TENM2: variants seen among roughly 807,000 people sequenced by gnomAD.
The protein encoded by TENM2 is teneurin-2.
A neutral mutation model predicts 245.2 loss-of-function variants in TENM2; 52 were observed. The observed-to-expected ratio is 0.21, with a 90% CI of 0.17 to 0.27. TENM2 has a LOEUF of 0.27. Among genes scored for constraint, TENM2 ranks in the 10% least tolerant of loss-of-function variants. The probability of loss-of-function intolerance (pLI) is 1.00; values close to 1 mark genes in which losing one functional copy is unlikely to be tolerated. For missense variants in TENM2, 3,046 were observed against 3,666.8 expected (o/e 0.83, Z 4.37); for synonymous variants, 1,363 against 1,438.9 (o/e 0.95, Z 1.19).
At chr5:167,939,358 C>T (rs776434206) in intron 3 of TENM2, among the ~76,000 whole-genome samples, 1 of 152,152 alleles carries the variant, frequency 6.6e-6, no homozygotes, top group African/African-American at 2.4e-5. Context: ...TGACAGGAGG[C>T]GGAGCTCAGG....
the TENM2 span, among the ~76,000 whole-genome samples, chr5:166,994,703 T>G: frequency 6.6e-6 from 1 of 152,194 alleles, no homozygotes; most frequent in Non-Finnish European, 1.5e-5. Flanking sequence ...CTCTAGGAAC[T>G]GAACATCACA....
At chr5:168,049,130 AT>A (rs1449815004) in intron 6 of TENM2, among the ~76,000 whole-genome samples, 1 of 152,166 alleles carries the variant, frequency 6.6e-6, no homozygotes, top group Non-Finnish European at 1.5e-5. Flanking sequence ...TCTAAAGACT[AT>A]TTTGATTGTC....
chr5:167,969,071 GCCGACTTT>G (rs1029057802), intron 4 of TENM2, among the ~76,000 whole-genome samples: 14 of 152,126 alleles, frequency 9.2e-5, no homozygotes, highest in African/African-American at 3.4e-4. Context: ...TCTCTGAAAT[GCCGACTTT>G]GTGCCCAGTA....
At chr5:167,058,271 A>T in the TENM2 span, among the ~76,000 whole-genome samples, 1 of 152,148 alleles carries the variant, frequency 6.6e-6, no homozygotes, top group African/African-American at 2.4e-5. Context: ...ATGACCTATA[A>T]TAGGCATTCT....
the TENM2 span, among the ~76,000 whole-genome samples, chr5:167,095,754 C>A: frequency 6.9e-6 from 1 of 145,220 alleles, no homozygotes; most frequent in Non-Finnish European, 1.5e-5. Flanking sequence ...CATTTCAACT[C>A]AAAGAAAGCC....
the TENM2 span, among the ~76,000 whole-genome samples, chr5:167,078,971 C>T: frequency 6.6e-6 from 1 of 151,984 alleles, no homozygotes; most frequent in Non-Finnish European, 1.5e-5. Flanking sequence ...ACGTGGGACT[C>T]CCTAGAGAGG....
intron 13 of TENM2, among the ~76,000 whole-genome samples, chr5:168,172,657 C>T (rs994151568): frequency 1.3e-5 from 2 of 152,206 alleles, no homozygotes; most frequent in Non-Finnish European, 2.9e-5. Context: ...ACCTCCGCCC[C>T]TCAGAAACAC....
intron 13 of TENM2, among the ~76,000 whole-genome samples, chr5:168,171,807 G>A (rs560308285): frequency 1.4e-4 from 22 of 152,246 alleles, no homozygotes; most frequent in African/African-American, 5.3e-4. Context: ...CTTATTTTAG[G>A]GAATTAAAGG....
the TENM2 span, among the ~76,000 whole-genome samples, chr5:167,212,018 A>G: frequency 6.6e-6 from 1 of 152,278 alleles, no homozygotes; most frequent in East Asian, 1.9e-4. Context: ...CTAAATTAAT[A>G]CTGCTTCCAC....
At chr5:167,689,399 T>G (rs1445214627) in intron 2 of TENM2, among the ~76,000 whole-genome samples, 1 of 152,146 alleles carries the variant, frequency 6.6e-6, no homozygotes, top group South Asian at 2.1e-4. Flanking sequence ...AGAACAGACC[T>G]AGGAACCTCA....
At chr5:167,647,578 G>A (rs1275853344) in intron 2 of TENM2, among the ~76,000 whole-genome samples, 1 of 151,980 alleles carries the variant, frequency 6.6e-6, no homozygotes, top group Non-Finnish European at 1.5e-5. Flanking sequence ...AGCCGAGATC[G>A]CGCCATTGCT....
chr5:168,050,785 A>T (rs1789016063), intron 6 of TENM2, among the ~76,000 whole-genome samples: 1 of 152,230 alleles, frequency 6.6e-6, no homozygotes, highest in Non-Finnish European at 1.5e-5. Context: ...TTGGGAGAGT[A>T]CATTCTTTGG....
At chr5:168,128,887 C>G (rs577154618) in intron 12 of TENM2, 1 of 152,130 alleles carries the variant, frequency 6.6e-6, no homozygotes, top group African/African-American at 2.4e-5. Flanking sequence ...GCCTCGCCAG[C>G]TTCCATGCCA....
At chr5:167,022,346 C>G in the TENM2 span, among the ~76,000 whole-genome samples, 1 of 152,098 alleles carries the variant, frequency 6.6e-6, no homozygotes, top group Non-Finnish European at 1.5e-5. Flanking sequence ...AAATATGTTT[C>G]AAATTATGAT....
At chr5:167,899,414 A>C (rs1775508932) in intron 3 of TENM2, among the ~76,000 whole-genome samples, 1 of 152,156 alleles carries the variant, frequency 6.6e-6, no homozygotes, top group Non-Finnish European at 1.5e-5. Context: ...ATAGCATAGT[A>C]ATAATAACAA....
rs72835075 is a variant in TENM2 at position 168,239,853 on chromosome 5, A to T, written c.5521-4567A>T. Among the ~76,000 whole-genome samples, 135 of 152,286 alleles carry T rather than the reference A, an allele frequency of 8.9e-4. 1 individual carries two copies. The highest frequency in any genetic ancestry group is 1.5e-3 in the Non-Finnish European group (104 of 68,022). Reference sequence around the variant, plus strand: ...GGTCTTTCCCAGGTAACTAAAGATAAGGCCTTATATCACACTGAGTGTATT... The same window carrying T: ...GGTCTTTCCCAGGTAACTAAAGATATGGCCTTATATCACACTGAGTGTATT... On this transcript the variant is annotated intron_variant, in intron 25 of 28. Coordinates refer to ENST00000518659, the Ensembl canonical transcript of TENM2.
At chr5:168,204,163 G>A (rs1318440215) in intron 18 of TENM2, among the ~76,000 whole-genome samples, 3 of 151,208 alleles carry the variant, frequency 2.0e-5, no homozygotes, top group South Asian at 2.1e-4. Context: ...AGCTTCTTTG[G>A]TTATCCTCCC....
At chr5:167,079,395 C>A in the TENM2 span, among the ~76,000 whole-genome samples, 1 of 150,488 alleles carries the variant, frequency 6.6e-6, no homozygotes, top group African/African-American at 2.4e-5. Flanking sequence ...CTCACTGCAA[C>A]CTCCGCCTCC....
chr5:167,646,136 T>TTATATATATATGTTGTTTTCA (rs1240238839), intron 2 of TENM2, among the ~76,000 whole-genome samples: 61 of 136,000 alleles, frequency 4.5e-4, no homozygotes, highest in East Asian at 1.6e-3. Flanking sequence ...ATATATGTTT[T>TTATATATATATGTTGTTTTCA]TATATATATA....
Sources: gnomAD v4.1 joint callset for allele counts (sites outside exome capture counted in the v4.1 genomes callset) on GRCh38, gnomAD v4.1.1 for gene constraint, MANE v1.5 for transcripts, NCBI Gene and HGNC (gene_info 2026-07-23, HGNC 2026-07-21) for gene names.